Variants in NUDT1 observed in about 807,000 individuals in gnomAD.
NUDT1 encodes oxidized purine nucleoside triphosphate hydrolase.
NUDT1 carries 16 observed loss-of-function variants against 11.3 expected under a neutral mutation model. The ratio of observed to expected loss-of-function variants is 1.41; its 90% CI spans 0.96 to 2.15. The LOEUF is 2.15. Ranked by LOEUF, NUDT1 falls within the 30% of genes most tolerant of loss-of-function variation. The probability of loss-of-function intolerance (pLI) is 0.00; values close to 1 mark genes in which losing one functional copy is unlikely to be tolerated. For missense variants in NUDT1, 234 were observed against 208.4 expected, an observed-to-expected ratio of 1.12 and a Z score of -0.76; for synonymous variants, 101 against 84.4, an observed-to-expected ratio of 1.20 and a Z score of -1.08.
At chr7:2,246,221 A>T (rs1248197658) in intron 2 of NUDT1, among the ~76,000 whole-genome samples, 2 of 152,090 alleles carry the variant, frequency 1.3e-5, no homozygotes, top group Non-Finnish European at 2.9e-5. Flanking sequence ...GGGCCTGGGG[A>T]CATGAGGAGG....
At chr7:2,245,540 G>A (rs541382040) in intron 2 of NUDT1, among the ~76,000 whole-genome samples, 9 of 152,220 alleles carry the variant, frequency 5.9e-5, no homozygotes, top group South Asian at 2.1e-4. Flanking sequence ...TGCAGTAGCC[G>A]CCCTTATTAC....
Position 2,244,328 on chromosome 7 carries a change from T to TCTGCTTGATCAGCC in NUDT1, c.-12-229_-12-216dup, listed in dbSNP as rs1354862712. Reference sequence around the variant, plus strand: ...GAAGGAAGGTAGCGCCGGCCTCTGCTCTGCTTGATCAGCCCTGCTGACCAC... The same window carrying TCTGCTTGATCAGCC: ...GAAGGAAGGTAGCGCCGGCCTCTGCTCTGCTTGATCAGCCCTGCTTGATCAGCCCTGCTGACCAC... On this transcript the variant is annotated intron_variant, in intron 1 of 3. Transcript: ENST00000356714. The TCTGCTTGATCAGCC allele has an allele frequency of 5.3e-5, 23 of 437,062 alleles. No individual in the cohort carries two copies. In the East Asian group the frequency reaches 5.6e-4, roughly 11 times the overall value. The allele number at this position is 437,062 out of a possible 1,614,324, so 27.1% of individuals were successfully genotyped here. A position where few individuals can be genotyped will look rare whatever the true frequency, so the allele number is the denominator to read the frequency against.
intron 1 of NUDT1, 74 bp from the exon 2 acceptor site, chr7:2,244,489 C>G: frequency 7.1e-7 from 1 of 1,404,912 alleles, no homozygotes; most frequent in Middle Eastern, 2.1e-4. Flanking sequence ...AGCACGTCCC[C>G]TTCCTCCTGG....
chr7:2,250,287 C>CA (rs35743532), intron 3 of NUDT1, among the ~76,000 whole-genome samples: 4,884 of 152,290 alleles, frequency 0.032, 275 homozygotes, highest in African/African-American at 0.11. Context: ...GTGAACTCCT[C>CA]AGAGAGTCAG....
chr7:2,249,897 C>A lies in NUDT1; in HGVS notation c.193C>A (p.His65Asn), dbSNP rs781537250. The change falls in exon 3 of 4, where the codon CAC becomes AAC. Residue 65 changes from histidine (H) to asparagine (N), a missense_variant. Coordinates refer to ENST00000356714, the MANE Select transcript of NUDT1 (RefSeq NM_002452.4). ...EESGLTVDAL[H>N]KVGQIVFEFV... ...GAGCGGTCTGACAGTGGACGCCCTG[C>A]ACAAGGTGGGCCAGATCGTGTTTGA... is the stretch of plus-strand genomic sequence containing the variant. 1.2e-6 allele frequency: 2 copies of A among 1,614,148 alleles called. No individual in the cohort carries two copies. Among genetic ancestry groups the A allele is most frequent in the Admixed American group, 1.7e-5 (1 of 60,032 alleles).
intron 1 of NUDT1, among the ~76,000 whole-genome samples, chr7:2,244,045 A>G (rs1482058358): frequency 2.0e-5 from 3 of 152,210 alleles, no homozygotes; most frequent in Non-Finnish European, 2.9e-5. Context: ...GTCTACAGCC[A>G]CACATTTCCT....
chr7:2,246,617 A>C (rs771851263), intron 2 of NUDT1, among the ~76,000 whole-genome samples: 4 of 152,130 alleles, frequency 2.6e-5, no homozygotes, highest in Non-Finnish European at 5.9e-5. Context: ...TTTTCTTCTG[A>C]ACTTTGTCAC....
chr7:2,245,949 G>A (rs555874987), intron 2 of NUDT1, among the ~76,000 whole-genome samples: 2 of 152,050 alleles, frequency 1.3e-5, no homozygotes, highest in Non-Finnish European at 2.9e-5. Flanking sequence ...TGGGACCCCA[G>A]ACCGCAGCCA....
chr7:2,249,897 C>T lies in NUDT1; in HGVS notation c.193C>T (p.His65Tyr). ...EESGLTVDAL[H>Y]KVGQIVFEFV... is the part of the protein sequence containing the mutation. ...GAGCGGTCTGACAGTGGACGCCCTG[C>T]ACAAGGTGGGCCAGATCGTGTTTGA... The change falls in exon 3 of 4, where the codon CAC (histidine) becomes TAC (tyrosine). Residue 65 changes from histidine to tyrosine, a missense_variant. By Grantham distance (83) the His-to-Tyr change is moderately conservative. Coordinates refer to ENST00000356714, the MANE Select transcript of NUDT1 (RefSeq NM_002452.4). The T allele has an allele frequency of 2.5e-6, 4 of 1,614,148 alleles. No individual in the cohort carries two copies. Among genetic ancestry groups the T allele is most frequent in the Non-Finnish European group, 3.4e-6 (4 of 1,180,036 alleles).
chr7:2,249,783 C>A, intron 2 of NUDT1, 74 bp from the exon 3 acceptor site: 1 of 1,589,140 alleles, frequency 6.3e-7, no homozygotes, highest in Non-Finnish European at 8.5e-7. Context: ...ATGCCCAGCT[C>A]CTCCTCCCTG....
intron 1 of NUDT1, chr7:2,242,919 C>T: frequency 2.8e-6 from 2 of 709,636 alleles, no homozygotes; most frequent in South Asian, 3.0e-5. Flanking sequence ...CTTTCTGTAT[C>T]CCTAGGTTTC....
chr7:2,244,597 C>T lies in NUDT1; in HGVS notation c.23C>T (p.Thr8Ile), dbSNP rs1463652689. 2.5e-6 allele frequency: 4 copies of T among 1,609,860 alleles called. No homozygotes were observed. The highest frequency in any genetic ancestry group is 2.5e-6 in the Non-Finnish European group (3 of 1,177,630). The change falls in exon 2 of 4, where the codon ACC becomes ATC. Residue 8 changes from threonine to isoleucine, a missense_variant. Transcript: ENST00000356714. Reference protein sequence around the residue: MGASRLYTLVLVLQPQRV... With the variant: MGASRLYILVLVLQPQRV... ...ACCATGGGCGCCTCCAGGCTCTATA[C>T]CCTGGTGCTGGTCCTGCAGCCTCAG... is the stretch of plus-strand genomic sequence containing the variant.
Position 2,249,870 on chromosome 7 carries a change from G to C in NUDT1, c.166G>C (p.Glu56Gln). 6.2e-7 allele frequency: 1 copy of C among 1,613,794 alleles called. No individual in the cohort carries two copies. Among genetic ancestry groups the C allele is most frequent in the Non-Finnish European group, 8.5e-7 (1 of 1,180,032 alleles). Residue 56 changes from glutamate to glutamine, a missense_variant, in exon 3 of 4, where the codon GAG becomes CAG. Glu to Gln is a conservative substitution (Grantham distance 29, BLOSUM62 2). Transcript: ENST00000356714. ...CTCTGCCCGCAGGGAGCTGCAGGAG[G>C]AGAGCGGTCTGACAGTGGACGCCCT... ...EDGARRELQEESGLTVDALHK... is the reference protein window; with the variant it reads ...EDGARRELQEQSGLTVDALHK...
At chr7:2,247,342 C>G (rs1161036427) in intron 2 of NUDT1, among the ~76,000 whole-genome samples, 1 of 152,234 alleles carries the variant, frequency 6.6e-6, no homozygotes, top group Non-Finnish European at 1.5e-5. Flanking sequence ...GGGGGCAGGC[C>G]TGAGCGCCTA....
At chr7:2,246,220 G>A (rs1474733422) in intron 2 of NUDT1, among the ~76,000 whole-genome samples, 1 of 152,200 alleles carries the variant, frequency 6.6e-6, no homozygotes, top group African/African-American at 2.4e-5. Flanking sequence ...GGGGCCTGGG[G>A]ACATGAGGAG....
chr7:2,244,467 ACT>A, intron 1 of NUDT1, 94 bp from the exon 2 acceptor site: 18 of 419,648 alleles, frequency 4.3e-5, no homozygotes, highest in Non-Finnish European at 7.0e-5. Flanking sequence ...CCCGCCCCCC[ACT>A]GCCTCCCAGA....
intron 1 of NUDT1, among the ~76,000 whole-genome samples, chr7:2,243,321 G>C (rs534808562): frequency 6.6e-6 from 1 of 152,206 alleles, no homozygotes; most frequent in Non-Finnish European, 1.5e-5. Context: ...CCTGGGCACA[G>C]GCCTGGGTGT....
chr7:2,242,981 T>A (rs370770312), intron 1 of NUDT1: 2 of 716,268 alleles, frequency 2.8e-6, no homozygotes, highest in African/African-American at 3.5e-5. Flanking sequence ...GGAGAGTGAG[T>A]GCAAGGTTTT....
At position 2,244,254 on chromosome 7, in the gene NUDT1, G is replaced by A. The variant is rs151112945; in HGVS notation, c.-12-309G>A. Among the ~76,000 whole-genome samples, 46 of 152,244 alleles carry A rather than the reference G, an allele frequency of 3.0e-4. No homozygotes were observed. The East Asian group carries it at 7.7e-3, about 26-fold the overall frequency. On this transcript the variant is annotated intron_variant, in intron 1 of 3. Coordinates refer to ENST00000356714, the MANE Select transcript of NUDT1 (RefSeq NM_002452.4). The stretch of plus-strand genomic sequence containing the variant: ...GGGGTAGACGCAGGAGCAAGAGCAC[G>A]CTCTGGAAAGGTGATGTTGTCCTCT...
Sources: allele counts gnomAD v4.1 joint callset (sites outside exome capture counted in the v4.1 genomes callset), GRCh38; gene constraint gnomAD v4.1.1; transcripts MANE v1.5; gene names NCBI Gene and HGNC (gene_info 2026-07-23, HGNC 2026-07-21).